The following DENND3 variants were observed in gnomAD, a reference collection of about 807,000 sequenced individuals.
DENND3 encodes DENN domain containing 3.
Under a neutral mutation model 135.1 loss-of-function variants are expected in DENND3, and 88 were observed. The ratio of observed to expected loss-of-function variants is 0.65; its 90% CI spans 0.55 to 0.78. The LOEUF is 0.78. DENND3 is among the 30% of genes least tolerant of loss of function. The probability of loss-of-function intolerance (pLI) is 0.00; values close to 1 mark genes in which losing one functional copy is unlikely to be tolerated. For missense variants in DENND3, 1,392 were observed against 1,688.4 expected (o/e 0.82, Z 3.08); for synonymous variants, 693 against 712.3 (o/e 0.97, Z 0.43).
rs192865269 is a variant in DENND3, at chr8:141,131,022, C to G, written c.102+2213C>G. ...TTTTTACCTTGACTTTTACAAATCC[C>G]CATTTCTCTGTGGCCCAGGCATTCC... On this transcript the variant is annotated intron_variant, in intron 1 of 22. Transcript: ENST00000519811. Among the ~76,000 whole-genome samples the G allele has an allele frequency of 2.6e-5, 4 of 152,274 alleles. 1 individual carries two copies. Among genetic ancestry groups the G allele is most frequent in the Admixed American group, 2.6e-4 (4 of 15,292 alleles).
intron 20 of DENND3, 56 bp from the exon 21 acceptor site, chr8:141,192,275 C>T (rs760253213): frequency 2.2e-5 from 35 of 1,597,084 alleles, no homozygotes; most frequent in Non-Finnish European, 2.7e-5. Context: ...CTGGTGCTGG[C>T]GTCTTATGTT....
Position 141,155,472 on chromosome 8 carries a change from C to T in DENND3, c.1075-377C>T, listed in dbSNP as rs144526385. 3.5e-3 allele frequency among the ~76,000 whole-genome samples: 532 copies of T among 151,622 alleles called. 5 individuals carry two copies. Among genetic ancestry groups the T allele is most frequent in the African/African-American group, 0.012 (479 of 41,306 alleles). ...AGGCTTCCGTGCAGTGGTGTGATCTCGGCTCACTGCGGCCTCAACCTCCTG... is the reference window on the plus strand; with the variant it reads ...AGGCTTCCGTGCAGTGGTGTGATCTTGGCTCACTGCGGCCTCAACCTCCTG... On this transcript the variant is annotated intron_variant, in intron 7 of 22. Transcript: ENST00000519811.
rs1817808966 is a variant in DENND3, at chr8:141,144,452, C to A, written c.735+193C>A. Reference sequence around the variant, plus strand: ...TGGCCAAGGGGACCCCAGAGAAACCCAAAAAACAGAATGACTGGCCAGAAT... The same window carrying A: ...TGGCCAAGGGGACCCCAGAGAAACCAAAAAAACAGAATGACTGGCCAGAAT... On this transcript the variant is annotated intron_variant, in intron 5 of 22. Coordinates refer to ENST00000519811, the MANE Select transcript of DENND3 (RefSeq NM_001352890.3). This position sits in a 1 kb window ranked among gnomAD's most constrained non-coding sequence, Gnocchi z 4.4. 6.6e-6 allele frequency among the ~76,000 whole-genome samples: 1 copy of A among 151,500 alleles called. No homozygotes were observed. The highest frequency in any genetic ancestry group is 1.5e-5 in the Non-Finnish European group (1 of 67,998).
intron 19 of DENND3, 74 bp from the exon 20 acceptor site, chr8:141,190,210 C>T (rs768128963): frequency 5.5e-6 from 8 of 1,450,486 alleles, no homozygotes; most frequent in Non-Finnish European, 6.4e-6. Flanking sequence ...ACTTGGTTCT[C>T]TCTTGGGTTA....
chr8:141,190,202 T>C lies in DENND3; in HGVS notation c.3246-82T>C, dbSNP rs371151538. ...TGAGCACATTTTCTCTCATGGCGAC[T>C]TGGTTCTCTCTTGGGTTAAAATGTG... On this transcript the variant is annotated intron_variant, in intron 19 of 22. Transcript: ENST00000519811. The C allele has an allele frequency of 5.9e-5, 84 of 1,435,020 alleles. No individual in the cohort carries two copies. The East Asian group carries it at 1.6e-3, about 27-fold the overall frequency. 88.9% of individuals were successfully genotyped at this position (1,435,020 alleles called of 1,614,324 possible).
chr8:141,161,614 T>C (rs1820135757), intron 9 of DENND3, among the ~76,000 whole-genome samples: 1 of 152,210 alleles, frequency 6.6e-6, no homozygotes, highest in African/African-American at 2.4e-5. Flanking sequence ...TTTCTCCTTT[T>C]CTCTGGCAGT....
Position 141,151,790 on chromosome 8 carries a change from T to C in DENND3, c.1027T>C (p.Ser343Pro). Reference protein sequence around the residue: ...QMLDFVMAPTSFLMGCHLDHF... With the variant: ...QMLDFVMAPTPFLMGCHLDHF... ...GCTGGATTTCGTCATGGCCCCCACG[T>C]CCTTCCTGATGGGCTGCCATCTCGA... Residue 343 changes from serine (S) to proline (P), a missense_variant, in exon 7 of 23, where the codon TCC becomes CCC. By Grantham distance (74) the Ser-to-Pro change is moderately conservative. Coordinates refer to ENST00000519811, the MANE Select transcript of DENND3 (RefSeq NM_001352890.3). 1 of 1,614,198 alleles carries C rather than the reference T, an allele frequency of 6.2e-7. No homozygotes were observed. Among genetic ancestry groups the C allele is most frequent in the Non-Finnish European group, 8.5e-7 (1 of 1,180,026 alleles).
At position 141,130,180 on chromosome 8, in the gene DENND3, C is replaced by T. The variant is rs973390997; in HGVS notation, c.102+1371C>T. Among the ~76,000 whole-genome samples the T allele has an allele frequency of 3.3e-5, 5 of 152,074 alleles. No homozygotes were observed. The highest frequency in any genetic ancestry group is 5.9e-5 in the Non-Finnish European group (4 of 68,006). ...TGACACATGTCTTTTGAGGGCAGGG[C>T]GAATCAACTGGAATATTTGCAGTGG... is the stretch of plus-strand genomic sequence containing the variant. On this transcript the variant is annotated intron_variant, in intron 1 of 22. Coordinates refer to ENST00000519811, the MANE Select transcript of DENND3 (RefSeq NM_001352890.3). The surrounding 1 kb of genome is among the most constrained non-coding windows in gnomAD (Gnocchi z 4.2).
chr8:141,189,429 AG>A (rs1179126899), intron 19 of DENND3, among the ~76,000 whole-genome samples: 4 of 152,320 alleles, frequency 2.6e-5, no homozygotes, highest in African/African-American at 7.2e-5. Context: ...CAGCCCCGAG[AG>A]GGCACAGCCT....
rs1392439778 is a variant in DENND3 at position 141,168,252 on chromosome 8, A to G, written c.2002A>G (p.Ile668Val). ...CTTCCAGAATCTGTATAAAACAGACATACGGATCTTTCCCACTGATTTGGT... is the reference window on the plus strand; with the variant it reads ...CTTCCAGAATCTGTATAAAACAGACGTACGGATCTTTCCCACTGATTTGGT... ...LDFQNLYKTD[I>V]RIFPTDLVKR... Residue 668 changes from isoleucine to valine, a missense_variant, in exon 13 of 23, where the codon ATA becomes GTA. Physicochemically the swap from Ile to Val is conservative, Grantham distance 29. Transcript: ENST00000519811. This position sits in a 1 kb window ranked among gnomAD's most constrained non-coding sequence, Gnocchi z 6.2. 43 of 1,614,076 alleles carry G rather than the reference A, an allele frequency of 2.7e-5. No individual in the cohort carries two copies. The highest frequency in any genetic ancestry group is 3.1e-5 in the Non-Finnish European group (37 of 1,180,048).
intron 4 of DENND3, chr8:141,142,750 C>T (rs1001096604): frequency 1.7e-5 from 3 of 173,314 alleles, no homozygotes; most frequent in African/African-American, 7.2e-5. Context: ...ATCTTCATTA[C>T]TTGAAGGTAA....
At position 141,141,127 on chromosome 8, in the gene DENND3, A is replaced by G; in HGVS notation, c.502-76A>G. On this transcript the variant is annotated intron_variant, in intron 3 of 22. Coordinates refer to ENST00000519811, the MANE Select transcript of DENND3 (RefSeq NM_001352890.3). This position sits in a 1 kb window ranked among gnomAD's most constrained non-coding sequence, Gnocchi z 5.3. ...GACTCTCAGCTTGCTGTGTGCTGAAACGTGACCCAGTTGGAAACAGATACT... is the reference window on the plus strand; with the variant it reads ...GACTCTCAGCTTGCTGTGTGCTGAAGCGTGACCCAGTTGGAAACAGATACT... 1 of 1,607,222 alleles carries G rather than the reference A, an allele frequency of 6.2e-7. No homozygotes were observed. Among genetic ancestry groups the G allele is most frequent in the Non-Finnish European group, 8.5e-7 (1 of 1,176,332 alleles).
At chr8:141,160,895 C>T (rs1820056615) in intron 9 of DENND3, 108 bp downstream of exon 9, 16 of 1,404,174 alleles carry the variant, frequency 1.1e-5, no homozygotes, top group South Asian at 1.4e-5. Context: ...GTACCATTTG[C>T]CTGGCAAACA....
At position 141,167,073 on chromosome 8, in the gene DENND3, G is replaced by A. The variant is rs775470431; in HGVS notation, c.1753+684G>A. On this transcript the variant is annotated intron_variant, in intron 12 of 22. Transcript: ENST00000519811. The surrounding 1 kb of genome is among the most constrained non-coding windows in gnomAD (Gnocchi z 4.1). ...TGTGCTGGGACCCCAGGAGCTGCACGAGTGACACCTTGATGACCCCGAGGG... is the reference window on the plus strand; with the variant it reads ...TGTGCTGGGACCCCAGGAGCTGCACAAGTGACACCTTGATGACCCCGAGGG... 9.2e-5 allele frequency among the ~76,000 whole-genome samples: 14 copies of A among 152,200 alleles called. No individual in the cohort carries two copies. Among genetic ancestry groups the A allele is most frequent in the Non-Finnish European group, 1.8e-4 (12 of 68,030 alleles).
At position 141,165,232 on chromosome 8, in the gene DENND3, A is replaced by G. The variant is rs768539382; in HGVS notation, c.1496A>G (p.Asn499Ser). 2 of 1,614,162 alleles carry G rather than the reference A, an allele frequency of 1.2e-6. No individual in the cohort carries two copies. The highest frequency in any genetic ancestry group is 3.3e-5 in the Admixed American group (2 of 60,016). Residue 499 changes from asparagine to serine, a missense_variant, in exon 11 of 23, where the codon AAT becomes AGT. Physicochemically the swap from Asn to Ser is conservative, Grantham distance 46. Coordinates refer to ENST00000519811, the MANE Select transcript of DENND3 (RefSeq NM_001352890.3). The part of the protein sequence containing the change: ...MFHSFLKARL[N>S]RRMDAFAQMD... The stretch of plus-strand genomic sequence containing the variant: ...CATTCTTTTCTTAAAGCCCGGCTCA[A>G]TAGGAGGATGGACGCCTTTGCTCAG...
Position 141,193,417 on chromosome 8 carries a change from C to G in DENND3, c.3637-616C>G, listed in dbSNP as rs147000988. 6.9e-3 allele frequency: 1,085 copies of G among 156,614 alleles called. 7 individuals carry two copies. Among genetic ancestry groups the G allele is most frequent in the Admixed American group, 0.017 (278 of 16,212 alleles). 9.7% of individuals were successfully genotyped at this position (156,614 alleles called of 1,614,324 possible). On this transcript the variant is annotated intron_variant, in intron 22 of 22. Coordinates refer to ENST00000519811, the MANE Select transcript of DENND3 (RefSeq NM_001352890.3). ...CCCTCCGATGTGGGTGAGCCGTGGGCGGGTCCCACCTGGGGCAGAACCAAC... is the reference window on the plus strand; with the variant it reads ...CCCTCCGATGTGGGTGAGCCGTGGGGGGGTCCCACCTGGGGCAGAACCAAC...
chr8:141,139,435 C>T lies in DENND3; in HGVS notation c.501+1298C>T, dbSNP rs970668721. Among the ~76,000 whole-genome samples, 2 of 152,280 alleles carry T rather than the reference C, an allele frequency of 1.3e-5. 1 individual carries two copies. Among genetic ancestry groups the T allele is most frequent in the South Asian group, 4.1e-4 (2 of 4,822 alleles). ...GGGAGAGGTCATTTTCACAGTGTGCCAAGAGCAGAACCAAGGTCAGCTCTC... is the reference window on the plus strand; with the variant it reads ...GGGAGAGGTCATTTTCACAGTGTGCTAAGAGCAGAACCAAGGTCAGCTCTC... On this transcript the variant is annotated intron_variant, in intron 3 of 22. Coordinates refer to ENST00000519811, the MANE Select transcript of DENND3 (RefSeq NM_001352890.3). This position sits in a 1 kb window ranked among gnomAD's most constrained non-coding sequence, Gnocchi z 4.2.
rs1262377215 is a variant in DENND3, at chr8:141,190,991, G to A, written c.3379+574G>A. 8.5e-5 allele frequency among the ~76,000 whole-genome samples: 13 copies of A among 152,356 alleles called. 2 individuals are homozygous for A. Among genetic ancestry groups the A allele is most frequent in the Admixed American group, 6.5e-4 (10 of 15,310 alleles). ...TTGCCGGCACTTTGAGGTCTTCCTC[G>A]GCATGTGCCAGATTACATGAGTGAC... On this transcript the variant is annotated intron_variant, in intron 20 of 22. Transcript: ENST00000519811.
intron 16 of DENND3, 100 bp downstream of exon 16, chr8:141,178,296 A>G: frequency 6.8e-7 from 1 of 1,463,140 alleles, no homozygotes; most frequent in South Asian, 1.4e-5. Context: ...AACCGAGCCC[A>G]GCTCCCCCAG....
Sources: allele counts gnomAD v4.1 joint callset (sites outside exome capture counted in the v4.1 genomes callset), GRCh38; gene constraint gnomAD v4.1.1; non-coding constraint Gnocchi (gnomAD v3.1); transcripts MANE v1.5; gene names NCBI Gene and HGNC (gene_info 2026-07-23, HGNC 2026-07-21).